LPP: variants seen among roughly 807,000 people sequenced by gnomAD.
LPP encodes lipoma-preferred partner.
LPP carries 38 observed loss-of-function variants against 60.4 expected under a neutral mutation model. The ratio of observed to expected loss-of-function variants is 0.63; its 90% CI spans 0.49 to 0.83. LPP has a LOEUF of 0.83. Ranked by LOEUF, LPP falls within the 40% of genes least tolerant of loss-of-function variation. LPP has a pLI of 0.00. For missense variants in LPP, 902 were observed against 783.6 expected (o/e 1.15, Z -1.80); for synonymous variants, 328 against 290.8 (o/e 1.13, Z -1.30).
At chr3:188,292,062 T>A (rs1348533483) in intron 2 of LPP, among the ~76,000 whole-genome samples, 1 of 152,234 alleles carries the variant, frequency 6.6e-6, no homozygotes, top group African/African-American at 2.4e-5. Flanking sequence ...TCCCCAAGTT[T>A]AAACAGCAAT....
intron 3 of LPP, among the ~76,000 whole-genome samples, chr3:188,399,530 G>A (rs1781745864): frequency 6.6e-6 from 1 of 152,188 alleles, no homozygotes; most frequent in South Asian, 2.1e-4. Flanking sequence ...GTTAATCTAC[G>A]TCCCTTTTCT....
chr3:188,225,080 G>T (rs1717240718), intron 1 of LPP, among the ~76,000 whole-genome samples: 1 of 151,966 alleles, frequency 6.6e-6, no homozygotes, highest in Non-Finnish European at 1.5e-5. Context: ...TTTTTTATTT[G>T]GTATAGTTTA....
chr3:188,222,680 G>C (rs1288453550), intron 1 of LPP, among the ~76,000 whole-genome samples: 1 of 151,742 alleles, frequency 6.6e-6, no homozygotes. Context: ...ACTAATTCAG[G>C]GCCAGATAGA....
chr3:188,308,221 C>T (rs1187154106), intron 2 of LPP, among the ~76,000 whole-genome samples: 4 of 151,988 alleles, frequency 2.6e-5, no homozygotes, highest in Non-Finnish European at 4.4e-5. Flanking sequence ...TTTATTTATC[C>T]AAGATTCTTA....
chr3:188,880,801 A>C lies in LPP; in HGVS notation c.*6322A>C, dbSNP rs1346275893. On this transcript the variant is annotated 3_prime_UTR_variant, in exon 12 of 12. Coordinates refer to ENST00000617246, the MANE Select transcript of LPP (RefSeq NM_001375462.1). Reference sequence around the variant, plus strand: ...TCTACCAAGAAAGAGAAGCATCACCATGTCATCTTGTGTTCTACACCACTA... The same window carrying C: ...TCTACCAAGAAAGAGAAGCATCACCCTGTCATCTTGTGTTCTACACCACTA... 5.5e-6 allele frequency: 1 copy of C among 180,286 alleles called. No homozygotes were observed. The highest frequency in any genetic ancestry group is 1.2e-5 in the Non-Finnish European group (1 of 84,390). 11.2% of individuals were successfully genotyped at this position (180,286 alleles called of 1,614,324 possible).
chr3:188,680,639 T>G (rs920840941), intron 7 of LPP, among the ~76,000 whole-genome samples: 1 of 152,144 alleles, frequency 6.6e-6, no homozygotes, highest in African/African-American at 2.4e-5. Flanking sequence ...TTTATTAAGT[T>G]TACAGGAAAG....
At position 188,747,218 on chromosome 3, in the gene LPP, G is replaced by T. The variant is rs192813143; in HGVS notation, c.1241-12895G>T. On this transcript the variant is annotated intron_variant, in intron 8 of 11. Coordinates refer to ENST00000617246, the MANE Select transcript of LPP (RefSeq NM_001375462.1). Reference sequence around the variant, plus strand: ...AATGCTTTCCATGCCTTTCTTCTGTGGCTCTCTCTGATGATCTCACAGGTC... The same window carrying T: ...AATGCTTTCCATGCCTTTCTTCTGTTGCTCTCTCTGATGATCTCACAGGTC... 2.7e-3 allele frequency among the ~76,000 whole-genome samples: 415 copies of T among 152,142 alleles called. 1 individual carries two copies. Among genetic ancestry groups the T allele is most frequent in the Admixed American group, 0.012 (185 of 15,274 alleles).
chr3:188,153,711 C>T (rs928729806), upstream of LPP: 6 of 152,382 alleles, frequency 3.9e-5, no homozygotes, highest in African/African-American at 1.2e-4. Context: ...TTTCCCCTCC[C>T]CCGCCAGGCG....
intron 7 of LPP, among the ~76,000 whole-genome samples, chr3:188,627,567 A>G (rs2151665957): frequency 6.6e-6 from 1 of 152,310 alleles, no homozygotes; most frequent in Non-Finnish European, 1.5e-5. Context: ...ACATAATGAT[A>G]AAGGGTTCAA....
chr3:188,814,922 C>T (rs1165743215), intron 9 of LPP, among the ~76,000 whole-genome samples: 2 of 152,070 alleles, frequency 1.3e-5, no homozygotes, highest in Non-Finnish European at 2.9e-5. Context: ...CTTTACCCAA[C>T]TCCAAGACTC....
chr3:188,345,561 A>G (rs1014681458), intron 3 of LPP, among the ~76,000 whole-genome samples: 8 of 152,204 alleles, frequency 5.3e-5, no homozygotes, highest in Non-Finnish European at 1.2e-4. Flanking sequence ...ATAATAGCCA[A>G]CACAATGAAG....
intron 8 of LPP, among the ~76,000 whole-genome samples, chr3:188,716,810 T>A (rs1303908550): frequency 6.6e-6 from 1 of 152,206 alleles, no homozygotes; most frequent in Non-Finnish European, 1.5e-5. Flanking sequence ...ATGATTAGAT[T>A]ATACTTCATA....
intron 8 of LPP, chr3:188,710,667 A>C (rs1249301928): frequency 1.3e-5 from 2 of 152,200 alleles, no homozygotes; most frequent in African/African-American, 4.8e-5. Context: ...AAAAGTGAAA[A>C]ATAAGGTCTC....
chr3:188,864,448 C>T (rs1360066601), intron 9 of LPP, among the ~76,000 whole-genome samples: 3 of 152,186 alleles, frequency 2.0e-5, no homozygotes, highest in African/African-American at 7.2e-5. Flanking sequence ...ATAGTCTCTG[C>T]CCCTAATGAA....
chr3:188,242,126 AG>A (rs1725150258), intron 2 of LPP, among the ~76,000 whole-genome samples: 5 of 152,300 alleles, frequency 3.3e-5, no homozygotes, highest in Middle Eastern at 3.4e-3. Flanking sequence ...GTAATGTTTA[AG>A]GAATCCACTA....
intron 2 of LPP, among the ~76,000 whole-genome samples, chr3:188,274,360 A>C (rs1167540333): frequency 6.6e-6 from 1 of 152,232 alleles, no homozygotes; most frequent in Admixed American, 6.5e-5. Flanking sequence ...AGTCCTGTCA[A>C]ATAGTCCCAG....
chr3:188,748,422 A>G (rs1031763698), intron 8 of LPP, among the ~76,000 whole-genome samples: 2 of 152,144 alleles, frequency 1.3e-5, no homozygotes, highest in African/African-American at 4.8e-5. Context: ...GTGCAGCTTG[A>G]ATCAAAACTC....
chr3:188,806,981 T>G (rs1044192892), intron 9 of LPP, among the ~76,000 whole-genome samples: 2 of 151,940 alleles, frequency 1.3e-5, no homozygotes, highest in Non-Finnish European at 2.9e-5. Context: ...CACTTTATTT[T>G]TTTGTATAAA....
intron 3 of LPP, among the ~76,000 whole-genome samples, chr3:188,368,249 A>T (rs1771803205): frequency 6.6e-6 from 1 of 152,176 alleles, no homozygotes; most frequent in Non-Finnish European, 1.5e-5. Context: ...CTGGTGGTAC[A>T]CTTTTTCACC....
Sources: gnomAD v4.1 joint callset for allele counts (sites outside exome capture counted in the v4.1 genomes callset) on GRCh38, gnomAD v4.1.1 for gene constraint, MANE v1.5 for transcripts, NCBI Gene and HGNC (gene_info 2026-07-23, HGNC 2026-07-21) for gene names.